The following METAP1D variants were observed in gnomAD, a reference collection of about 807,000 sequenced individuals.
METAP1D encodes the protein methionyl aminopeptidase type 1D, mitochondrial, also known as methionine aminopeptidase 1D, mitochondrial.
A neutral mutation model predicts 40.5 loss-of-function variants in METAP1D; 31 were observed. The ratio of observed to expected loss-of-function variants is 0.77; its 90% CI spans 0.58 to 1.03. The LOEUF (loss-of-function observed/expected upper bound fraction) is 1.03. METAP1D is among the 50% of genes least tolerant of loss of function. METAP1D has a pLI of 0.00. For synonymous variants in METAP1D, 151 were observed against 146.4 expected (o/e 1.03, Z -0.22); for missense variants, 411 against 420.7 (o/e 0.98, Z 0.20).
intron 1 of METAP1D, among the ~76,000 whole-genome samples, chr2:172,028,433 T>C (rs1460921470): frequency 6.6e-6 from 1 of 152,198 alleles, no homozygotes. Flanking sequence ...GTTGAAACTA[T>C]GTTCAAAAAG....
chr2:172,069,754 T>C (rs1224144551), intron 5 of METAP1D, among the ~76,000 whole-genome samples: 1 of 152,176 alleles, frequency 6.6e-6, no homozygotes, highest in African/African-American at 2.4e-5. Context: ...TAATCCATCA[T>C]ATTAACCTGA....
intron 1 of METAP1D, among the ~76,000 whole-genome samples, chr2:172,044,408 A>T (rs1387171732): frequency 4.2e-5 from 1 of 24,074 alleles, no homozygotes; most frequent in Non-Finnish European, 7.2e-5. Flanking sequence ...AAAATACAAA[A>T]AAAAAAAAAA....
intron 1 of METAP1D, among the ~76,000 whole-genome samples, chr2:172,009,606 T>C (rs7608657): frequency 0.041 from 6,263 of 152,308 alleles, 173 homozygotes; most frequent in Middle Eastern, 0.075. Flanking sequence ...GAAGAGCTAT[T>C]GACAGAAGTA....
chr2:172,069,529 A>G (rs1034497581), intron 5 of METAP1D, among the ~76,000 whole-genome samples: 3 of 152,202 alleles, frequency 2.0e-5, no homozygotes, highest in Admixed American at 2.0e-4. Context: ...AGTTTCCTGA[A>G]GACTTTTAAT....
chr2:172,042,861 A>ACATATACGTATGTGTGTG lies in METAP1D; in HGVS notation c.41-18637_41-18636insCATATACGTATGTGTGTG, dbSNP rs1689627948. On this transcript the variant is annotated intron_variant, in intron 1 of 9. Coordinates refer to ENST00000315796, the MANE Select transcript of METAP1D (RefSeq NM_199227.3). ...TATACGTGTGTGTGTATATATGTAC[A>ACATATACGTATGTGTGTG]TATATGTGTATGTGTGTAAATATGT... Among the ~76,000 whole-genome samples the ACATATACGTATGTGTGTG allele has an allele frequency of 2.4e-5, 3 of 122,676 alleles. 1 individual carries two copies. Among genetic ancestry groups the ACATATACGTATGTGTGTG allele is most frequent in the Non-Finnish European group, 5.8e-5 (3 of 51,990 alleles). The allele number at this position is 122,676 out of a possible 152,430, so 80.5% of individuals were successfully genotyped here. A position where few individuals can be genotyped will look rare whatever the true frequency, so the allele number is the denominator to read the frequency against.
intron 5 of METAP1D, among the ~76,000 whole-genome samples, chr2:172,069,389 A>T (rs1387753622): frequency 1.3e-5 from 2 of 152,166 alleles, no homozygotes; most frequent in Admixed American, 1.3e-4. Context: ...CGTATTTTGT[A>T]TTTTGAAATA....
At position 172,042,968 on chromosome 2, in the gene METAP1D, T is replaced by C. The variant is rs111491288; in HGVS notation, c.41-18530T>C. Among the ~76,000 whole-genome samples the C allele has an allele frequency of 2.2e-4, 28 of 127,926 alleles. 5 individuals are homozygous for C. Among genetic ancestry groups the C allele is most frequent in the Middle Eastern group, 9.4e-3 (2 of 212 alleles). 83.9% of individuals were successfully genotyped at this position (127,926 alleles called of 152,430 possible). A position where few individuals can be genotyped will look rare whatever the true frequency, so the allele number is the denominator to read the frequency against. On this transcript the variant is annotated intron_variant, in intron 1 of 9. Transcript: ENST00000315796. ...ATGCGTACCTGTGTATATATATGCG[T>C]ACATGTGCATACATATGTGTGCGTG...
At chr2:172,043,560 T>C (rs1559009036) in intron 1 of METAP1D, among the ~76,000 whole-genome samples, 1 of 135,036 alleles carries the variant, frequency 7.4e-6, no homozygotes, top group East Asian at 2.0e-4. Flanking sequence ...ACTTAAGTTT[T>C]TTAAAGAAAA....
At chr2:172,058,814 T>G (rs1419731321) in intron 1 of METAP1D, among the ~76,000 whole-genome samples, 1 of 152,220 alleles carries the variant, frequency 6.6e-6, no homozygotes, top group African/African-American at 2.4e-5. Context: ...AGGGACATAA[T>G]TGAGTGAAAC....
intron 1 of METAP1D, among the ~76,000 whole-genome samples, chr2:172,011,246 C>T (rs1688713851): frequency 6.6e-6 from 1 of 151,784 alleles, no homozygotes. Context: ...CCAATCTGCC[C>T]ATCCCCTCAT....
At chr2:172,036,988 G>A (rs555468943) in intron 1 of METAP1D, among the ~76,000 whole-genome samples, 6 of 152,252 alleles carry the variant, frequency 3.9e-5, no homozygotes, top group South Asian at 2.1e-4. Context: ...GGCTGCGGGC[G>A]GTGGCTCACG....
intron 5 of METAP1D, 52 bp from the exon 6 acceptor site, chr2:172,070,855 G>C: frequency 6.8e-7 from 1 of 1,461,472 alleles, no homozygotes; most frequent in Non-Finnish European, 9.3e-7. Flanking sequence ...TATACTTTAG[G>C]AAAGTAGATT....
chr2:172,023,516 G>A (rs1295478893), intron 1 of METAP1D, among the ~76,000 whole-genome samples: 2 of 152,156 alleles, frequency 1.3e-5, no homozygotes, highest in African/African-American at 4.8e-5. Context: ...GAACCTCCTG[G>A]AAGGTTGATA....
At chr2:172,049,126 A>C (rs1689829299) in intron 1 of METAP1D, among the ~76,000 whole-genome samples, 1 of 152,150 alleles carries the variant, frequency 6.6e-6, no homozygotes, top group South Asian at 2.1e-4. Context: ...CTGGGACTAC[A>C]GTTGTGTGCC....
chr2:172,028,699 G>A (rs189194689), intron 1 of METAP1D, among the ~76,000 whole-genome samples: 19 of 152,090 alleles, frequency 1.2e-4, no homozygotes, highest in African/African-American at 4.3e-4. Context: ...GAAAAATAAG[G>A]TTTGCCACGA....
In METAP1D at chr2:172,061,480, G is replaced by A. The variant is rs1559016513; in HGVS notation, c.41-18G>A. 1 of 1,601,706 alleles carries A rather than the reference G, an allele frequency of 6.2e-7. No individual in the cohort carries two copies. Among genetic ancestry groups the A allele is most frequent in the Non-Finnish European group, 8.5e-7 (1 of 1,174,750 alleles). Reference sequence around the variant, plus strand: ...TAGGTTGTTTTTTTACTTAAAATATGTCTGTTTCTGCTCACAGGTTCTCAT... The same window carrying A: ...TAGGTTGTTTTTTTACTTAAAATATATCTGTTTCTGCTCACAGGTTCTCAT... On this transcript the variant is annotated intron_variant, in intron 1 of 9. Coordinates refer to ENST00000315796, the MANE Select transcript of METAP1D (RefSeq NM_199227.3).
chr2:172,060,275 G>C (rs997408882), intron 1 of METAP1D, among the ~76,000 whole-genome samples: 1 of 151,878 alleles, frequency 6.6e-6, no homozygotes. Context: ...AATTAGCCAG[G>C]CATGGTAGCA....
chr2:172,054,939 C>T (rs193184222), intron 1 of METAP1D, among the ~76,000 whole-genome samples: 1 of 152,284 alleles, frequency 6.6e-6, no homozygotes, highest in East Asian at 1.9e-4. Context: ...TAGATTTACT[C>T]CCTAAGAAAA....
In METAP1D at chr2:172,057,595, A is replaced by G. The variant is rs139604053; in HGVS notation, c.41-3903A>G. ...CTTTTGGAAAAATAATAGTAGTAGTAACAATAGTTTTGTGATGCCTTTTCA... is the reference window on the plus strand; with the variant it reads ...CTTTTGGAAAAATAATAGTAGTAGTGACAATAGTTTTGTGATGCCTTTTCA... On this transcript the variant is annotated intron_variant, in intron 1 of 9. Coordinates refer to ENST00000315796, the MANE Select transcript of METAP1D (RefSeq NM_199227.3). Among the ~76,000 whole-genome samples the G allele has an allele frequency of 6.4e-3, 982 of 152,312 alleles. 4 individuals are homozygous for G. The highest frequency in any genetic ancestry group is 9.1e-3 in the Non-Finnish European group (622 of 68,030).
Sources: allele counts gnomAD v4.1 joint callset (sites outside exome capture counted in the v4.1 genomes callset), GRCh38; gene constraint gnomAD v4.1.1; transcripts MANE v1.5; gene names NCBI Gene and HGNC (gene_info 2026-07-23, HGNC 2026-07-21).